Variants in SLC35G1 observed in about 807,000 individuals in gnomAD.
SLC35G1 encodes partner of STIM1.
A neutral mutation model predicts 17.1 loss-of-function variants in SLC35G1; 10 were observed. The ratio of observed to expected loss-of-function variants is 0.59; its 90% CI spans 0.36 to 0.99. The LOEUF is 0.99. Ranked by LOEUF, SLC35G1 falls within the 50% of genes least tolerant of loss-of-function variation. SLC35G1 has a pLI of 0.01. For synonymous variants in SLC35G1, 185 were observed against 181.1 expected, an observed-to-expected ratio of 1.02 and a Z score of -0.18; for missense variants, 433 against 468.4, an observed-to-expected ratio of 0.92 and a Z score of 0.70.
downstream of SLC35G1, among the ~76,000 whole-genome samples, chr10:93,905,048 C>T (rs371651795): frequency 2.0e-5 from 3 of 152,136 alleles, no homozygotes; most frequent in Non-Finnish European, 2.9e-5. Flanking sequence ...TCCTTTCATG[C>T]GCAGGTGTTA....
Position 93,901,081 on chromosome 10 carries a change from G to A in SLC35G1, c.689G>A (p.Gly230Glu). ...GHLKGTFAAI[G>E]SAVFAASTLV... ...CTTAAGGGAACATTCGCAGCAATTG[G>A]AAGTGCCGTATTTGCTGCATCGACT... The change falls in exon 3 of 3, where the codon GGA becomes GAA. Residue 230 changes from glycine to glutamate, a missense_variant. Coordinates refer to ENST00000427197, the MANE Select transcript of SLC35G1 (RefSeq NM_001134658.3). 6.2e-7 allele frequency: 1 copy of A among 1,614,118 alleles called. No individual in the cohort carries two copies. Among genetic ancestry groups the A allele is most frequent in the East Asian group, 2.2e-5 (1 of 44,882 alleles).
chr10:93,898,783 A>G (rs576264728), intron 2 of SLC35G1, 32 bp downstream of exon 2: 16 of 1,573,784 alleles, frequency 1.0e-5, no homozygotes, highest in Middle Eastern at 1.7e-4. Context: ...AGTAGAAGAT[A>G]TTAATAAATG....
At chr10:93,895,035 A>G (rs528184756) in intron 1 of SLC35G1, among the ~76,000 whole-genome samples, 1 of 152,342 alleles carries the variant, frequency 6.6e-6, no homozygotes, top group East Asian at 1.9e-4. Context: ...TGCTGCTTCA[A>G]GCACATTCCT....
intron 1 of SLC35G1, among the ~76,000 whole-genome samples, chr10:93,894,474 CG>C (rs961021824): frequency 9.2e-5 from 14 of 152,104 alleles, no homozygotes; most frequent in Non-Finnish European, 1.8e-4. Flanking sequence ...TAATTAGTGT[CG>C]GGGCAGGGCT....
At chr10:93,896,906 T>G (rs901359281) in intron 1 of SLC35G1, among the ~76,000 whole-genome samples, 1 of 152,190 alleles carries the variant, frequency 6.6e-6, no homozygotes, top group African/African-American at 2.4e-5. Flanking sequence ...GGGTGGAGTT[T>G]CTATGTAGGG....
rs777977133 is a variant in SLC35G1, at chr10:93,901,437, G to C, written c.1045G>C (p.Val349Leu). The change falls in exon 3 of 3, where the codon GTA (valine) becomes CTA (leucine). Residue 349 changes from valine (V) to leucine (L), a missense_variant. Val to Leu is a conservative substitution (Grantham distance 32). Coordinates refer to ENST00000427197, the MANE Select transcript of SLC35G1 (RefSeq NM_001134658.3). ...WWTVGGALCVVASNVGAAIRK... is the reference protein window; with the variant it reads ...WWTVGGALCVLASNVGAAIRK... ...GACAGTGGGTGGTGCTCTCTGCGTAGTAGCCAGTAATGTTGGAGCGGCCAT... is the reference window on the plus strand; with the variant it reads ...GACAGTGGGTGGTGCTCTCTGCGTACTAGCCAGTAATGTTGGAGCGGCCAT... The C allele has an allele frequency of 6.2e-7, 1 of 1,610,960 alleles. No homozygotes were observed. The highest frequency in any genetic ancestry group is 8.5e-7 in the Non-Finnish European group (1 of 1,179,226).
Sources: gnomAD v4.1 joint callset for allele counts (sites outside exome capture counted in the v4.1 genomes callset) on GRCh38, gnomAD v4.1.1 for gene constraint, MANE v1.5 for transcripts, NCBI Gene and HGNC (gene_info 2026-07-23, HGNC 2026-07-21) for gene names.